IRAK1BP1: variants seen among roughly 807,000 people sequenced by gnomAD.
The protein encoded by IRAK1BP1 is interleukin-1 receptor-associated kinase 1-binding protein 1.
In IRAK1BP1, 24 loss-of-function variants were observed where a neutral mutation model predicts 28.0. The observed-to-expected ratio is 0.86, with a 90% CI of 0.62 to 1.20. The LOEUF is 1.20. Ranked by LOEUF, IRAK1BP1 falls within the 50% of genes most tolerant of loss-of-function variation. The pLI is 0.00. For missense variants in IRAK1BP1, 336 were observed against 316.7 expected (o/e 1.06, Z -0.46); for synonymous variants, 131 against 116.3 (o/e 1.13, Z -0.81).
At chr6:78,913,566 AAC>A (rs1335977574) in intron 4 of IRAK1BP1, among the ~76,000 whole-genome samples, 3 of 152,160 alleles carry the variant, frequency 2.0e-5, no homozygotes, top group Non-Finnish European at 4.4e-5. Flanking sequence ...TAATCACCTG[AAC>A]CCAGGAGCCA....
At chr6:78,973,289 T>A in the IRAK1BP1 span, among the ~76,000 whole-genome samples, 3 of 150,002 alleles carry the variant, frequency 2.0e-5, no homozygotes, top group African/African-American at 7.4e-5. Flanking sequence ...GCTTCATAAG[T>A]GAAGGAGAAA....
At chr6:78,894,201 G>A (rs1329305710) in intron 2 of IRAK1BP1, among the ~76,000 whole-genome samples, 1 of 152,060 alleles carries the variant, frequency 6.6e-6, no homozygotes, top group African/African-American at 2.4e-5. Flanking sequence ...AACAGAAAAT[G>A]AGTAAAGGGG....
At chr6:78,955,402 C>G in the IRAK1BP1 span, 268 of 715,420 alleles carry the variant, frequency 3.7e-4, no homozygotes, top group African/African-American at 4.5e-3. Flanking sequence ...TATGCTGGGG[C>G]ACTTTATTGA....
chr6:78,960,054 G>C, the IRAK1BP1 span, among the ~76,000 whole-genome samples: 1 of 152,086 alleles, frequency 6.6e-6, no homozygotes, highest in Non-Finnish European at 1.5e-5. Flanking sequence ...GGGAGCTGTA[G>C]CTCACTGACA....
At chr6:78,946,159 G>A in exon 5 of IRAK1BP1, 1 of 1,614,052 alleles carries the variant, frequency 6.2e-7, no homozygotes, top group Non-Finnish European at 8.5e-7. Context: ...TATCTGAGCA[G>A]CATTGTGTCT....
the IRAK1BP1 span, among the ~76,000 whole-genome samples, chr6:78,972,863 G>A: frequency 6.6e-6 from 1 of 152,178 alleles, no homozygotes; most frequent in East Asian, 1.9e-4. Context: ...AAGCCTCCAA[G>A]AAATATAGGA....
chr6:78,929,336 C>G (rs1772980733), intron 4 of IRAK1BP1, among the ~76,000 whole-genome samples: 1 of 152,106 alleles, frequency 6.6e-6, no homozygotes, highest in Non-Finnish European at 1.5e-5. Context: ...GTGGTACATA[C>G]ATAACATGGA....
chr6:78,970,703 T>TA, the IRAK1BP1 span: 2 of 889,998 alleles, frequency 2.2e-6, no homozygotes, highest in South Asian at 1.6e-5. Flanking sequence ...ATTGTGTTAA[T>TA]AGTAACCTTT....
chr6:78,925,784 C>CA (rs1772871298), intron 4 of IRAK1BP1, among the ~76,000 whole-genome samples: 1 of 152,128 alleles, frequency 6.6e-6, no homozygotes. Context: ...AAGATGGAAT[C>CA]AACCTAGATG....
Position 78,901,366 on chromosome 6 carries a change from G to T in IRAK1BP1, c.*3032G>T, listed in dbSNP as rs1156377760. Reference sequence around the variant, plus strand: ...ATGTGTAGTATTCTGTATACTAAAGGGTATCAAATTTAGTTGTCAGTTGAT... The same window carrying T: ...ATGTGTAGTATTCTGTATACTAAAGTGTATCAAATTTAGTTGTCAGTTGAT... On this transcript the variant is annotated 3_prime_UTR_variant, in exon 4 of 4. Transcript: ENST00000369940. 6.6e-6 allele frequency: 1 copy of T among 151,668 alleles called. No homozygotes were observed. The highest frequency in any genetic ancestry group is 2.4e-5 in the African/African-American group (1 of 41,318). 9.4% of individuals were successfully genotyped at this position (151,668 alleles called of 1,614,324 possible).
chr6:78,978,714 G>A, the IRAK1BP1 span: 3 of 1,589,080 alleles, frequency 1.9e-6, no homozygotes, highest in African/African-American at 4.0e-5. Flanking sequence ...GCCAATCTCT[G>A]ACAAAATTTA....
intron 2 of IRAK1BP1, among the ~76,000 whole-genome samples, chr6:78,889,812 A>G (rs1175990495): frequency 6.6e-6 from 1 of 152,164 alleles, no homozygotes; most frequent in Non-Finnish European, 1.5e-5. Flanking sequence ...ACACTTTTAC[A>G]CTGTTGGTGG....
intron 4 of IRAK1BP1, among the ~76,000 whole-genome samples, chr6:78,914,095 T>C (rs888891902): frequency 1.6e-4 from 25 of 152,238 alleles, no homozygotes; most frequent in Admixed American, 4.6e-4. Flanking sequence ...TCCACTAAAT[T>C]AAAAGAAGCT....
chr6:78,869,317 C>G (rs555765778), intron 1 of IRAK1BP1, among the ~76,000 whole-genome samples: 29 of 152,134 alleles, frequency 1.9e-4, no homozygotes, highest in African/African-American at 6.5e-4. Context: ...GCCAGGAGTT[C>G]GAGACCAGCC....
chr6:78,871,588 A>G lies in IRAK1BP1; in HGVS notation c.315+3697A>G, dbSNP rs1278984723. On this transcript the variant is annotated intron_variant, in intron 1 of 3. Coordinates refer to ENST00000369940, the MANE Select transcript of IRAK1BP1 (RefSeq NM_001010844.4). ...ATGTTTGTTTCCCCCCAAAATTTAT[A>G]GTTGAAACCTAATCCCAAGTATGAT... 5.3e-6 allele frequency: 5 copies of G among 939,356 alleles called. No individual in the cohort carries two copies. In the East Asian group the frequency reaches 4.7e-4, roughly 88 times the overall value. 58.2% of individuals were successfully genotyped at this position (939,356 alleles called of 1,614,324 possible). A position where few individuals can be genotyped will look rare whatever the true frequency, so the allele number is the denominator to read the frequency against.
At chr6:78,960,404 G>T in the IRAK1BP1 span, among the ~76,000 whole-genome samples, 1 of 150,648 alleles carries the variant, frequency 6.6e-6, no homozygotes, top group Non-Finnish European at 1.5e-5. Flanking sequence ...CCAATCTTTA[G>T]CAATTTAAGG....
chr6:78,886,463 G>T (rs150511778), intron 2 of IRAK1BP1, among the ~76,000 whole-genome samples: 1 of 152,002 alleles, frequency 6.6e-6, no homozygotes, highest in African/African-American at 2.4e-5. Flanking sequence ...AACTTATTTC[G>T]TAGTAGTAGG....
At chr6:78,937,706 G>A (rs1352104528) in intron 4 of IRAK1BP1, 2 of 151,620 alleles carry the variant, frequency 1.3e-5, no homozygotes, top group African/African-American at 2.4e-5. Flanking sequence ...AATACATGCA[G>A]AAAATAGTCC....
intron 4 of IRAK1BP1, among the ~76,000 whole-genome samples, chr6:78,944,195 A>G (rs1265003554): frequency 6.6e-6 from 1 of 152,122 alleles, no homozygotes; most frequent in African/African-American, 2.4e-5. Context: ...GGGATACAAA[A>G]GAGAGAAAGA....
Sources: gnomAD v4.1 joint callset for allele counts (sites outside exome capture counted in the v4.1 genomes callset) on GRCh38, gnomAD v4.1.1 for gene constraint, MANE v1.5 for transcripts, NCBI Gene and HGNC (gene_info 2026-07-23, HGNC 2026-07-21) for gene names.